The following UTRN variants were observed in gnomAD, a reference collection of about 807,000 sequenced individuals.
UTRN encodes the protein utrophin.
In UTRN, 283 loss-of-function variants were observed where a neutral mutation model predicts 463.9. That is an observed-to-expected ratio of 0.61 (90% confidence interval 0.55 to 0.67). The LOEUF is 0.67. Ranked by LOEUF, UTRN falls within the 30% of genes least tolerant of loss-of-function variation. UTRN has a pLI of 0.00. For synonymous variants in UTRN, 1,442 were observed against 1,431.5 expected (o/e 1.01, Z -0.17); for missense variants, 3,922 against 4,084.3 (o/e 0.96, Z 1.08).
chr6:144,451,785 T>A (rs926739736), intron 18 of UTRN, among the ~76,000 whole-genome samples: 4 of 152,170 alleles, frequency 2.6e-5, no homozygotes, highest in Admixed American at 2.6e-4. Context: ...TTAGTTTAGA[T>A]CACCCTTAAT....
intron 52 of UTRN, among the ~76,000 whole-genome samples, chr6:144,692,959 C>T (rs1191232677): frequency 6.6e-6 from 1 of 150,820 alleles, no homozygotes; most frequent in Non-Finnish European, 1.5e-5. Context: ...GAAATTTTTG[C>T]CCATTCCTAT....
chr6:144,616,039 C>T (rs1238729147), intron 51 of UTRN, among the ~76,000 whole-genome samples: 1 of 152,124 alleles, frequency 6.6e-6, no homozygotes, highest in Non-Finnish European at 1.5e-5. Flanking sequence ...TACCACAGGA[C>T]CTTTGCACTA....
In UTRN at chr6:144,476,085, A is replaced by C. The variant is rs560568476; in HGVS notation, c.3336+1326A>C. Among the ~76,000 whole-genome samples, 16 of 150,460 alleles carry C rather than the reference A, an allele frequency of 1.1e-4. No homozygotes were observed. In the South Asian group the frequency reaches 2.6e-3, roughly 24 times the overall value. On this transcript the variant is annotated intron_variant, in intron 25 of 74. Coordinates refer to ENST00000367545, the MANE Select transcript of UTRN (RefSeq NM_007124.3). ...AGCCAGATCCTGTCTTAAAAAAAAA[A>C]CAAAAATTGTAGAGATGGGGTTCTT...
chr6:144,358,180 G>A (rs1171144314), intron 2 of UTRN, among the ~76,000 whole-genome samples: 1 of 152,206 alleles, frequency 6.6e-6, no homozygotes, highest in Non-Finnish European at 1.5e-5. Context: ...GTTGCTCATA[G>A]TAACAGCAAT....
chr6:144,345,633 G>T (rs369151642), intron 2 of UTRN, among the ~76,000 whole-genome samples: 2 of 152,106 alleles, frequency 1.3e-5, no homozygotes, highest in African/African-American at 4.8e-5. Flanking sequence ...CGATCATGCC[G>T]CTGCATTCCA....
intron 54 of UTRN, among the ~76,000 whole-genome samples, chr6:144,742,804 A>G (rs945480881): frequency 6.6e-5 from 10 of 152,206 alleles, no homozygotes; most frequent in Non-Finnish European, 1.0e-4. Context: ...TCTTCTACCA[A>G]ATTGTCCAAC....
chr6:144,324,105 C>T (rs1439442573), intron 2 of UTRN, among the ~76,000 whole-genome samples: 1 of 152,108 alleles, frequency 6.6e-6, no homozygotes. Flanking sequence ...TTCTAGAAAC[C>T]TTTACACTGG....
In UTRN at chr6:144,851,148, A is replaced by G; in HGVS notation, c.*151A>G. ...GTGTGTTCTACTGAAAGAGTAAAACACTGACTATCCAAAGAGAAATGGATA... is the reference window on the plus strand; with the variant it reads ...GTGTGTTCTACTGAAAGAGTAAAACGCTGACTATCCAAAGAGAAATGGATA... On this transcript the variant is annotated 3_prime_UTR_variant, in exon 75 of 75. Coordinates refer to ENST00000367545, the MANE Select transcript of UTRN (RefSeq NM_007124.3). 1.1e-6 allele frequency: 1 copy of G among 930,770 alleles called. No individual in the cohort carries two copies. Among genetic ancestry groups the G allele is most frequent in the Non-Finnish European group, 1.7e-6 (1 of 576,784 alleles). The allele number at this position is 930,770 out of a possible 1,614,324, so 57.7% of individuals were successfully genotyped here.
intron 53 of UTRN, among the ~76,000 whole-genome samples, chr6:144,710,747 GT>G (rs1785595761): frequency 2.0e-5 from 3 of 151,946 alleles, no homozygotes; most frequent in Non-Finnish European, 4.4e-5. Flanking sequence ...TTTTTATTTT[GT>G]TTAAAACTAT....
At chr6:144,544,357 C>T (rs903710828) in intron 46 of UTRN, among the ~76,000 whole-genome samples, 2 of 152,070 alleles carry the variant, frequency 1.3e-5, no homozygotes, top group Non-Finnish European at 2.9e-5. Flanking sequence ...CTATCTAGTT[C>T]CAAAATATTT....
chr6:144,649,246 T>G (rs1562706332), intron 51 of UTRN, among the ~76,000 whole-genome samples: 1 of 152,120 alleles, frequency 6.6e-6, no homozygotes, highest in Admixed American at 6.6e-5. Flanking sequence ...AAGTACAAAG[T>G]GCATCAGGGC....
At chr6:144,342,341 AT>A (rs1777199205) in intron 2 of UTRN, among the ~76,000 whole-genome samples, 3 of 111,324 alleles carry the variant, frequency 2.7e-5, no homozygotes, top group African/African-American at 1.6e-4. Context: ...GGGTACACAC[AT>A]ACACACACAC....
intron 43 of UTRN, among the ~76,000 whole-genome samples, chr6:144,536,640 C>T (rs1226365773): frequency 3.3e-5 from 5 of 151,860 alleles, no homozygotes; most frequent in African/African-American, 1.2e-4. Context: ...AATGAAAACT[C>T]CTAGCTGCAA....
At chr6:144,845,450 A>G (rs919368065) in intron 73 of UTRN, among the ~76,000 whole-genome samples, 1 of 152,200 alleles carries the variant, frequency 6.6e-6, no homozygotes, top group African/African-American at 2.4e-5. Flanking sequence ...TTAAGCTTGA[A>G]TGGCATTCAT....
At chr6:144,370,791 A>G (rs546302318) in intron 2 of UTRN, among the ~76,000 whole-genome samples, 9 of 152,236 alleles carry the variant, frequency 5.9e-5, no homozygotes, top group Non-Finnish European at 1.3e-4. Flanking sequence ...CACCTCTTGC[A>G]TCAGCATTAC....
chr6:144,722,210 T>C (rs1787264097), intron 53 of UTRN, among the ~76,000 whole-genome samples: 1 of 152,170 alleles, frequency 6.6e-6, no homozygotes. Flanking sequence ...AGAGCACCAA[T>C]CTCTAAGCTA....
At chr6:144,326,487 C>A (rs1303653524) in intron 2 of UTRN, among the ~76,000 whole-genome samples, 1 of 152,102 alleles carries the variant, frequency 6.6e-6, no homozygotes, top group Non-Finnish European at 1.5e-5. Context: ...AGGCAAGTTT[C>A]TCCTCTGATG....
intron 69 of UTRN, among the ~76,000 whole-genome samples, chr6:144,835,258 A>G (rs1326056742): frequency 6.6e-6 from 1 of 152,250 alleles, no homozygotes; most frequent in African/African-American, 2.4e-5. Context: ...AATATAAAGT[A>G]AAATATCTGT....
intron 34 of UTRN, among the ~76,000 whole-genome samples, chr6:144,505,626 T>TA (rs2128587583): frequency 6.6e-6 from 1 of 152,332 alleles, no homozygotes; most frequent in African/African-American, 2.4e-5. Flanking sequence ...GACTGTTTGT[T>TA]ACGATTTCTG....
Sources: allele counts gnomAD v4.1 joint callset (sites outside exome capture counted in the v4.1 genomes callset), GRCh38; gene constraint gnomAD v4.1.1; transcripts MANE v1.5; gene names NCBI Gene and HGNC (gene_info 2026-07-23, HGNC 2026-07-21).